Variants in EPHX1 observed in about 807,000 individuals in gnomAD.
The protein encoded by EPHX1 is epoxide hydrolase 1.
In EPHX1, 40 loss-of-function variants were observed where a neutral mutation model predicts 43.2. The ratio of observed to expected loss-of-function variants is 0.93; its 90% confidence interval spans 0.72 to 1.21. The LOEUF (loss-of-function observed/expected upper bound fraction) is 1.21. Ranked by LOEUF, EPHX1 falls within the 50% of genes most tolerant of loss-of-function variation. The pLI, the probability that EPHX1 is intolerant of heterozygous loss-of-function variation, is 0.00. For missense variants in EPHX1, 550 were observed against 570.4 expected (o/e 0.96, Z 0.36); for synonymous variants, 221 against 226.7 (o/e 0.98, Z 0.22).
chr1:225,813,342 G>A (rs1397781835), intron 1 of EPHX1, among the ~76,000 whole-genome samples: 2 of 152,196 alleles, frequency 1.3e-5, no homozygotes, highest in Admixed American at 1.3e-4. Context: ...TCTTGACCCA[G>A]ACCTAGTGGC....
chr1:225,831,029 G>C (rs751134915), intron 2 of EPHX1, among the ~76,000 whole-genome samples: 2 of 152,106 alleles, frequency 1.3e-5, no homozygotes, highest in Non-Finnish European at 2.9e-5. Flanking sequence ...CCATTCATCT[G>C]TGCATTGGCT....
intron 8 of EPHX1, 103 bp downstream of exon 8, chr1:225,844,726 C>T (rs1365236146): frequency 6.5e-7 from 1 of 1,542,668 alleles, no homozygotes; most frequent in Non-Finnish European, 8.7e-7. Context: ...ATAAGTATAG[C>T]CTTGCCTGCA....
rs747526057 is a variant in EPHX1 at position 225,845,471 on chromosome 1, G to A, written c.*124G>A. On this transcript the variant is annotated 3_prime_UTR_variant, in exon 9 of 9. Coordinates refer to ENST00000272167, the MANE Select transcript of EPHX1 (RefSeq NM_001136018.4). ...TCCCCTGCCCATGCTGGGAGCCCACGCTCACCCCCTCACCCCTCCAAGCTC... is the reference window on the plus strand; with the variant it reads ...TCCCCTGCCCATGCTGGGAGCCCACACTCACCCCCTCACCCCTCCAAGCTC... 2.4e-5 allele frequency: 24 copies of A among 990,006 alleles called. No homozygotes were observed. The highest frequency in any genetic ancestry group is 4.6e-5 in the South Asian group (3 of 64,706). 61.3% of individuals were successfully genotyped at this position (990,006 alleles called of 1,614,324 possible).
intron 4 of EPHX1, 137 bp downstream of exon 4, chr1:225,839,018 C>T (rs745491416): frequency 7.2e-5 from 94 of 1,307,148 alleles, no homozygotes; most frequent in South Asian, 6.2e-4. Context: ...CCTGAGAGGC[C>T]GGCCCCAGAC....
chr1:225,843,493 C>T (rs997655509), intron 7 of EPHX1, among the ~76,000 whole-genome samples: 52 of 152,208 alleles, frequency 3.4e-4, no homozygotes, highest in African/African-American at 1.2e-3. Context: ...CCCTGCCCTA[C>T]ATTCAGCAGG....
intron 3 of EPHX1, among the ~76,000 whole-genome samples, chr1:225,836,831 T>A (rs1667994742): frequency 1.3e-5 from 2 of 152,118 alleles, no homozygotes; most frequent in African/African-American, 4.8e-5. Flanking sequence ...AAAGTTTGAG[T>A]CCTGCCAGCC....
intron 3 of EPHX1, among the ~76,000 whole-genome samples, chr1:225,836,427 C>G (rs1667970568): frequency 6.6e-6 from 1 of 151,972 alleles, no homozygotes; most frequent in Admixed American, 6.6e-5. Context: ...GACCCCTTCT[C>G]TACAAAAAAA....
chr1:225,813,183 C>T (rs1666565861), intron 1 of EPHX1, among the ~76,000 whole-genome samples: 1 of 152,176 alleles, frequency 6.6e-6, no homozygotes, highest in Admixed American at 6.5e-5. Context: ...CCTGTAGCCT[C>T]TGCTGGGTCC....
intron 1 of EPHX1, among the ~76,000 whole-genome samples, chr1:225,811,883 A>G (rs1390072634): frequency 6.6e-6 from 1 of 152,232 alleles, no homozygotes; most frequent in African/African-American, 2.4e-5. Flanking sequence ...TGGGATTTGC[A>G]GTTCTAGGGG....
intron 1 of EPHX1, among the ~76,000 whole-genome samples, chr1:225,826,403 C>G (rs1667235619): frequency 7.3e-6 from 1 of 136,658 alleles, no homozygotes; most frequent in Non-Finnish European, 1.5e-5. Context: ...ACAGAAGTTG[C>G]AGTGAGCCGA....
intron 8 of EPHX1, 131 bp downstream of exon 8, chr1:225,844,754 T>G: frequency 1.4e-6 from 2 of 1,425,914 alleles, no homozygotes; most frequent in South Asian, 2.5e-5. Flanking sequence ...CAGGGGCCCT[T>G]GGATGGGAAC....
intron 6 of EPHX1, 122 bp downstream of exon 6, chr1:225,840,159 C>T (rs1668284058): frequency 4.6e-6 from 4 of 873,466 alleles, no homozygotes; most frequent in Non-Finnish European, 7.4e-6. Context: ...GTAAGGACCT[C>T]CCAGCTCTTT....
intron 6 of EPHX1, among the ~76,000 whole-genome samples, chr1:225,840,334 A>AG (rs1317362746): frequency 1.3e-5 from 2 of 151,912 alleles, no homozygotes; most frequent in Non-Finnish European, 1.5e-5. Flanking sequence ...AGAGGGATGG[A>AG]GGGGGTGAGG....
intron 6 of EPHX1, 57 bp from the exon 7 acceptor site, chr1:225,842,309 C>A: frequency 7.7e-7 from 1 of 1,304,066 alleles, no homozygotes; most frequent in Non-Finnish European, 1.1e-6. Context: ...ACACCTGAAG[C>A]TCCAGCTCTC....
intron 2 of EPHX1, among the ~76,000 whole-genome samples, chr1:225,831,501 C>T (rs1667586124): frequency 6.6e-6 from 1 of 151,150 alleles, no homozygotes; most frequent in African/African-American, 2.4e-5. Context: ...GGGCCGAGAT[C>T]ACGCCACTGC....
At chr1:225,830,528 G>A (rs1040082843) in intron 2 of EPHX1, among the ~76,000 whole-genome samples, 29 of 152,118 alleles carry the variant, frequency 1.9e-4, no homozygotes, top group African/African-American at 6.8e-4. Context: ...GCAGTGGTGC[G>A]ATCTTGGCTC....
At chr1:225,833,740 A>C (rs562570487) in intron 3 of EPHX1, among the ~76,000 whole-genome samples, 1 of 147,268 alleles carries the variant, frequency 6.8e-6, no homozygotes, top group South Asian at 2.1e-4. Flanking sequence ...GCTTGTGGTG[A>C]GCTGAGATCA....
intron 1 of EPHX1, among the ~76,000 whole-genome samples, chr1:225,822,838 G>A (rs1667034830): frequency 6.6e-6 from 1 of 152,204 alleles, no homozygotes; most frequent in Non-Finnish European, 1.5e-5. Context: ...GAAGGCACAT[G>A]GAGAGGAGAG....
At position 225,844,652 on chromosome 1, in the gene EPHX1, C is replaced by T. The variant is rs1207596562; in HGVS notation, c.1166+29C>T. 4 of 1,613,072 alleles carry T rather than the reference C, an allele frequency of 2.5e-6. No homozygotes were observed. In the Admixed American group the frequency reaches 6.7e-5, roughly 27 times the overall value. ...AGCCTGGCTGAGCCGAGAACAGGGGCCTCTGAGGCTGGAGGCAGGGGGACG... is the reference window on the plus strand; with the variant it reads ...AGCCTGGCTGAGCCGAGAACAGGGGTCTCTGAGGCTGGAGGCAGGGGGACG... On this transcript the variant is annotated intron_variant, in intron 8 of 8. Coordinates refer to ENST00000272167, the MANE Select transcript of EPHX1 (RefSeq NM_001136018.4).
Sources: allele counts gnomAD v4.1 joint callset (sites outside exome capture counted in the v4.1 genomes callset), GRCh38; gene constraint gnomAD v4.1.1; transcripts MANE v1.5; gene names NCBI Gene and HGNC (gene_info 2026-07-23, HGNC 2026-07-21).